The following DOCK2 variants were observed in gnomAD, a reference collection of about 807,000 sequenced individuals.
DOCK2 encodes the protein dedicator of cytokinesis 2, also known as dedicator of cytokinesis protein 2.
A neutral mutation model predicts 248.9 loss-of-function variants in DOCK2; 87 were observed. The ratio of observed to expected loss-of-function variants is 0.35; its 90% confidence interval spans 0.29 to 0.42. DOCK2 has a LOEUF of 0.42. Among genes scored for constraint, DOCK2 ranks in the 10% least tolerant of loss-of-function variants. The pLI is 1.00. For synonymous variants in DOCK2, 805 were observed against 821.6 expected, an observed-to-expected ratio of 0.98 and a Z score of 0.35; for missense variants, 1,747 against 2,300.2, an observed-to-expected ratio of 0.76 and a Z score of 4.92.
chr5:169,833,749 C>T (rs957477980), intron 26 of DOCK2, among the ~76,000 whole-genome samples: 3 of 152,206 alleles, frequency 2.0e-5, no homozygotes, highest in Non-Finnish European at 4.4e-5. Context: ...GCTAAAACCT[C>T]CAGCACTTTC....
chr5:170,077,856 A>T lies in DOCK2; in HGVS notation c.4994+19A>T. On this transcript the variant is annotated intron_variant, in intron 48 of 51. Transcript: ENST00000520908. Reference sequence around the variant, plus strand: ...CAGAGAGGTCAGTCCCTGCACCCCAAGGAGCCCCCCACACCCCTGCCTCCC... The same window carrying T: ...CAGAGAGGTCAGTCCCTGCACCCCATGGAGCCCCCCACACCCCTGCCTCCC... 1 of 1,609,746 alleles carries T rather than the reference A, an allele frequency of 6.2e-7. No homozygotes were observed. The highest frequency in any genetic ancestry group is 8.5e-7 in the Non-Finnish European group (1 of 1,178,966).
chr5:169,996,018 T>C, intron 29 of DOCK2, 68 bp from the exon 30 acceptor site: 1 of 1,544,738 alleles, frequency 6.5e-7, no homozygotes, highest in Non-Finnish European at 8.8e-7. Context: ...AATTTTAGTC[T>C]GGCATAAGGA....
intron 27 of DOCK2, chr5:169,934,878 CCACCTTACA>C: frequency 2.7e-6 from 1 of 364,562 alleles, no homozygotes; most frequent in Non-Finnish European, 5.5e-6. Flanking sequence ...ACAACTTTAA[CCACCTTACA>C]CTTGATATTT....
chr5:169,701,408 G>A (rs1311796367), intron 13 of DOCK2, among the ~76,000 whole-genome samples: 2 of 152,138 alleles, frequency 1.3e-5, no homozygotes, highest in Non-Finnish European at 2.9e-5. Flanking sequence ...TTGTCTGGCG[G>A]TTGTCTCCTA....
intron 9 of DOCK2, chr5:169,695,263 C>T: frequency 6.5e-6 from 1 of 154,046 alleles, no homozygotes; most frequent in Non-Finnish European, 1.4e-5. Context: ...CTGTAGACTG[C>T]ACCAGAAGTA....
At chr5:169,720,010 G>A (rs1422904470) in intron 22 of DOCK2, among the ~76,000 whole-genome samples, 1 of 152,114 alleles carries the variant, frequency 6.6e-6, no homozygotes, top group South Asian at 2.1e-4. Flanking sequence ...TCTGAAACAG[G>A]CAATCATTTG....
intron 27 of DOCK2, among the ~76,000 whole-genome samples, chr5:169,856,629 C>G (rs1770912356): frequency 6.6e-6 from 1 of 152,108 alleles, no homozygotes; most frequent in Non-Finnish European, 1.5e-5. Flanking sequence ...AAAAGCACAC[C>G]AAAGACAATG....
chr5:169,692,816 C>G (rs1760386309), intron 9 of DOCK2, among the ~76,000 whole-genome samples: 1 of 152,190 alleles, frequency 6.6e-6, no homozygotes, highest in South Asian at 2.1e-4. Context: ...TTGCAGATGA[C>G]TGTCTTCTCC....
chr5:169,711,840 T>A (rs1459694949), intron 15 of DOCK2, 95 bp from the exon 16 acceptor site: 2 of 1,363,086 alleles, frequency 1.5e-6, no homozygotes, highest in Non-Finnish European at 2.1e-6. Flanking sequence ...GCTCTCTCAG[T>A]TAAATGGTCA....
chr5:169,810,987 TCTCACA>T (rs758213774), intron 26 of DOCK2, among the ~76,000 whole-genome samples: 1,319 of 75,930 alleles, frequency 0.017, 21 homozygotes, highest in African/African-American at 0.06. Flanking sequence ...TCTCTCTCTC[TCTCACA>T]CACACACACA....
intron 27 of DOCK2, among the ~76,000 whole-genome samples, chr5:169,877,821 A>G (rs1276608072): frequency 4.6e-5 from 7 of 152,222 alleles, no homozygotes; most frequent in Non-Finnish European, 7.4e-5. Context: ...AACCTCTTCT[A>G]TTTCTCTCAC....
intron 27 of DOCK2, among the ~76,000 whole-genome samples, chr5:169,971,874 T>C (rs2161369): frequency 0.75 from 113,877 of 152,130 alleles, 43,792 homozygotes; most frequent in African/African-American, 0.93. Context: ...ACCCAGGCAC[T>C]TTGTTCATTT....
At chr5:169,857,194 A>G (rs967022023) in intron 27 of DOCK2, among the ~76,000 whole-genome samples, 16 of 152,224 alleles carry the variant, frequency 1.1e-4, no homozygotes, top group African/African-American at 3.9e-4. Context: ...TGGCATTTTA[A>G]TAGAAACATT....
chr5:170,034,290 A>G lies in DOCK2; in HGVS notation c.3468-109A>G, dbSNP rs527357546. 29 of 1,363,336 alleles carry G rather than the reference A, an allele frequency of 2.1e-5. No individual in the cohort carries two copies. The South Asian group carries it at 3.5e-4, about 16-fold the overall frequency. 84.5% of individuals were successfully genotyped at this position (1,363,336 alleles called of 1,614,324 possible). On this transcript the variant is annotated intron_variant, in intron 34 of 51. Coordinates refer to ENST00000520908, the MANE Select transcript of DOCK2 (RefSeq NM_004946.3). ...AATGAACAAAAGGAGCAGTCAGGGAACTTGGGTTGACTGACTGATTTTGCA... is the reference window on the plus strand; with the variant it reads ...AATGAACAAAAGGAGCAGTCAGGGAGCTTGGGTTGACTGACTGATTTTGCA...
chr5:170,012,117 G>A (rs1194871079), intron 32 of DOCK2, among the ~76,000 whole-genome samples: 1 of 152,192 alleles, frequency 6.6e-6, no homozygotes, highest in African/African-American at 2.4e-5. Flanking sequence ...CTGAATTGAG[G>A]CTAAAAGAGC....
rs146399796 is a variant in DOCK2, at chr5:169,800,959, T to C, written c.2555-2099T>C. ...TTCTTTCTTTCTTTTTTTTTTTTTT[T>C]TTTTTTTTTTTTTTGAGATGGAGTC... On this transcript the variant is annotated intron_variant, in intron 25 of 51. Transcript: ENST00000520908. 3.0e-4 allele frequency among the ~76,000 whole-genome samples: 26 copies of C among 87,682 alleles called. 1 individual carries two copies. The highest frequency in any genetic ancestry group is 5.3e-3 in the Middle Eastern group (1 of 188). The allele number at this position is 87,682 out of a possible 152,430, so 57.5% of individuals were successfully genotyped here.
At chr5:170,046,838 G>C (rs1756732842) in intron 39 of DOCK2, among the ~76,000 whole-genome samples, 1 of 152,000 alleles carries the variant, frequency 6.6e-6, no homozygotes, top group Non-Finnish European at 1.5e-5. Flanking sequence ...CCTGCACAGA[G>C]TCCACATCAC....
chr5:170,027,836 G>A, intron 33 of DOCK2, 27 bp from the exon 34 acceptor site: 1 of 1,604,956 alleles, frequency 6.2e-7, no homozygotes, highest in Middle Eastern at 1.7e-4. Flanking sequence ...TGATGTTATT[G>A]TTGATTTTTG....
chr5:169,704,942 A>G (rs1215674915), intron 14 of DOCK2, among the ~76,000 whole-genome samples: 2 of 152,174 alleles, frequency 1.3e-5, no homozygotes, highest in South Asian at 2.1e-4. Flanking sequence ...GGGGCAGATC[A>G]CTTGAGGTCA....
Sources: allele counts gnomAD v4.1 joint callset (sites outside exome capture counted in the v4.1 genomes callset), GRCh38; gene constraint gnomAD v4.1.1; transcripts MANE v1.5; gene names NCBI Gene and HGNC (gene_info 2026-07-23, HGNC 2026-07-21).